Variants in CCDC138 observed in about 807,000 individuals in gnomAD.
CCDC138 encodes coiled-coil domain containing 138.
CCDC138 carries 66 observed loss-of-function variants against 82.3 expected under a neutral mutation model. That is an observed-to-expected ratio of 0.80 (90% CI 0.66 to 0.98). The LOEUF (loss-of-function observed/expected upper bound fraction) is 0.98, where lower values mean the gene tolerates loss of function less well. CCDC138 is among the 50% of genes least tolerant of loss of function. The pLI, the probability that CCDC138 is intolerant of heterozygous loss-of-function variation, is 0.00. For synonymous variants in CCDC138, 297 were observed against 265.4 expected, an observed-to-expected ratio of 1.12 and a Z score of -1.16; for missense variants, 816 against 758.9, an observed-to-expected ratio of 1.08 and a Z score of -0.88.
chr2:108,867,042 T>G (rs1694526989), intron 13 of CCDC138, among the ~76,000 whole-genome samples: 1 of 152,162 alleles, frequency 6.6e-6, no homozygotes, highest in Non-Finnish European at 1.5e-5. Flanking sequence ...TAAAGGGGAA[T>G]TATAAAATAT....
chr2:108,817,474 G>A (rs948988074), intron 10 of CCDC138, among the ~76,000 whole-genome samples: 1 of 151,942 alleles, frequency 6.6e-6, no homozygotes, highest in African/African-American at 2.4e-5. Context: ...TGTATTTTTA[G>A]TAGAGACGGG....
chr2:108,829,740 T>G (rs189515464), intron 10 of CCDC138, among the ~76,000 whole-genome samples: 1 of 152,134 alleles, frequency 6.6e-6, no homozygotes, highest in Non-Finnish European at 1.5e-5. Flanking sequence ...ATTGAGACTG[T>G]GTCAATACAT....
At position 108,846,858 on chromosome 2, in the gene CCDC138, GCTTT is replaced by G; in HGVS notation, c.1449_1452del (p.Phe483LeufsTer8). The G allele has an allele frequency of 1.2e-6, 2 of 1,613,610 alleles. No homozygotes were observed. The highest frequency in any genetic ancestry group is 1.7e-6 in the Non-Finnish European group (2 of 1,179,760). Reference sequence around the variant, plus strand: ...TGTGGAGAATAAACCAAAGACAGCTGCTTTCTTTAAGAGCTCCAATTTGCCATTG... The same window carrying G: ...TGTGGAGAATAAACCAAAGACAGCTGCTTTAAGAGCTCCAATTTGCCATTG... On this transcript the variant is annotated frameshift_variant, in exon 12 of 15. Transcript: ENST00000295124. LOFTEE classifies it high-confidence loss of function.
chr2:108,848,831 T>G (rs1397052884), intron 12 of CCDC138, among the ~76,000 whole-genome samples: 1 of 152,178 alleles, frequency 6.6e-6, no homozygotes, highest in Non-Finnish European at 1.5e-5. Context: ...TGAATCAAAA[T>G]TGGCACTTCA....
chr2:108,828,249 C>G (rs544765870), intron 10 of CCDC138, among the ~76,000 whole-genome samples: 2 of 151,952 alleles, frequency 1.3e-5, no homozygotes, highest in South Asian at 2.1e-4. Context: ...AATACGAGAA[C>G]AAGGAAGGTT....
chr2:108,868,452 T>C (rs1694752394), intron 13 of CCDC138, among the ~76,000 whole-genome samples: 1 of 152,178 alleles, frequency 6.6e-6, no homozygotes, highest in South Asian at 2.1e-4. Flanking sequence ...TTTCAAGAAA[T>C]AACTTAGACC....
intron 2 of CCDC138, 112 bp from the exon 3 acceptor site, chr2:108,788,740 A>C (rs1363316887): frequency 7.0e-7 from 1 of 1,438,654 alleles, no homozygotes; most frequent in Non-Finnish European, 9.2e-7. Context: ...AAAGAAAAAA[A>C]AATTTGAGAG....
chr2:108,824,855 A>T (rs1686297702), intron 10 of CCDC138, among the ~76,000 whole-genome samples: 1 of 152,186 alleles, frequency 6.6e-6, no homozygotes, highest in Non-Finnish European at 1.5e-5. Flanking sequence ...AGTGATAGGA[A>T]TTTTTAGCTG....
rs527256430 is a variant in CCDC138 at position 108,870,243 on chromosome 2, A to G, written c.1694-3208A>G. Among the ~76,000 whole-genome samples, 14 of 152,372 alleles carry G rather than the reference A, an allele frequency of 9.2e-5. No homozygotes were observed. The South Asian group carries it at 2.9e-3, about 32-fold the overall frequency. Reference sequence around the variant, plus strand: ...GAAAAATTTACTAGAAGAGTTCAACAGCAGACTTGAACAGGCAAAAGAAAG... The same window carrying G: ...GAAAAATTTACTAGAAGAGTTCAACGGCAGACTTGAACAGGCAAAAGAAAG... On this transcript the variant is annotated intron_variant, in intron 13 of 14. Transcript: ENST00000295124.
intron 4 of CCDC138, among the ~76,000 whole-genome samples, chr2:108,793,134 G>T (rs1417778296): frequency 6.7e-6 from 1 of 150,320 alleles, no homozygotes; most frequent in Non-Finnish European, 1.5e-5. Context: ...GAGGTGGGCG[G>T]ATCACGAGGT....
At chr2:108,797,498 G>T (rs570943269) in intron 5 of CCDC138, among the ~76,000 whole-genome samples, 10 of 152,294 alleles carry the variant, frequency 6.6e-5, no homozygotes, top group African/African-American at 2.4e-4. Context: ...TGAAATGAGA[G>T]ACCTCAGCAA....
chr2:108,863,519 TG>T (rs1254949083), intron 13 of CCDC138, among the ~76,000 whole-genome samples: 1 of 152,188 alleles, frequency 6.6e-6, no homozygotes, highest in Non-Finnish European at 1.5e-5. Flanking sequence ...GGGTGCTCAT[TG>T]GGAAGAGCTT....
downstream of CCDC138, among the ~76,000 whole-genome samples, chr2:108,878,058 A>G (rs1696145389): frequency 6.6e-6 from 1 of 152,226 alleles, no homozygotes; most frequent in African/African-American, 2.4e-5. Context: ...TATACCACTT[A>G]CGTACTATTC....
intron 7 of CCDC138, among the ~76,000 whole-genome samples, chr2:108,810,781 A>G (rs1463029916): frequency 6.6e-6 from 1 of 152,240 alleles, no homozygotes; most frequent in Admixed American, 6.5e-5. Flanking sequence ...GAGTGAATTT[A>G]AAAGTACAGT....
chr2:108,830,564 T>C (rs929871468), intron 10 of CCDC138, among the ~76,000 whole-genome samples: 1 of 151,728 alleles, frequency 6.6e-6, no homozygotes, highest in African/African-American at 2.4e-5. Context: ...CCCAGCACTT[T>C]GGGAGGCCGA....
chr2:108,870,162 A>G (rs914379174), intron 13 of CCDC138, among the ~76,000 whole-genome samples: 2 of 152,234 alleles, frequency 1.3e-5, no homozygotes, highest in African/African-American at 4.8e-5. Flanking sequence ...GTCAACAAAG[A>G]AACAAATTAT....
intron 10 of CCDC138, among the ~76,000 whole-genome samples, chr2:108,816,990 C>G (rs1032022756): frequency 1.3e-5 from 2 of 152,196 alleles, no homozygotes; most frequent in Admixed American, 6.5e-5. Context: ...GGCCACTGTG[C>G]CCAGACCCAG....
intron 9 of CCDC138, 76 bp from the exon 10 acceptor site, chr2:108,815,865 T>A: frequency 8.3e-7 from 1 of 1,210,478 alleles, no homozygotes; most frequent in Non-Finnish European, 1.2e-6. Context: ...TCTTATTACT[T>A]AACAAATTTA....
intron 6 of CCDC138, among the ~76,000 whole-genome samples, chr2:108,802,202 C>G (rs1473616897): frequency 7.9e-6 from 1 of 126,424 alleles, no homozygotes; most frequent in Non-Finnish European, 1.6e-5. Flanking sequence ...GGCATTGAAT[C>G]TGTAAATTAC....
Sources: allele counts gnomAD v4.1 joint callset (sites outside exome capture counted in the v4.1 genomes callset), GRCh38; gene constraint gnomAD v4.1.1; transcripts MANE v1.5; gene names NCBI Gene and HGNC (gene_info 2026-07-23, HGNC 2026-07-21).